Variants in EBF2 observed in about 807,000 individuals in gnomAD.
EBF2 encodes transcription factor COE2.
Under a neutral mutation model 72.8 loss-of-function variants are expected in EBF2, and 21 were observed. That is an observed-to-expected ratio of 0.29 (90% confidence interval 0.20 to 0.42). The LOEUF (loss-of-function observed/expected upper bound fraction) is 0.42, where lower values mean the gene tolerates loss of function less well. EBF2 is among the 10% of genes least tolerant of loss of function. EBF2 has a pLI of 1.00. For missense variants in EBF2, 637 were observed against 731.2 expected, an observed-to-expected ratio of 0.87 and a Z score of 1.49; for synonymous variants, 299 against 274.2, an observed-to-expected ratio of 1.09 and a Z score of -0.89.
intron 6 of EBF2, among the ~76,000 whole-genome samples, chr8:26,024,865 A>C (rs1805274700): frequency 6.6e-6 from 1 of 152,212 alleles, no homozygotes; most frequent in Non-Finnish European, 1.5e-5. Context: ...TCACACAGCT[A>C]ATAAATATTG....
intron 6 of EBF2, among the ~76,000 whole-genome samples, chr8:25,972,175 T>C (rs6991575): frequency 0.19 from 29,192 of 152,002 alleles, 3,022 homozygotes; most frequent in Middle Eastern, 0.25. Flanking sequence ...GAGCGGGGCT[T>C]TCCAGGCCTC....
intron 1 of EBF2, among the ~76,000 whole-genome samples, chr8:26,042,740 G>A (rs1308617855): frequency 6.6e-6 from 1 of 152,144 alleles, no homozygotes; most frequent in Non-Finnish European, 1.5e-5. Context: ...GTATTAATTC[G>A]AGTTATCAGT....
At chr8:26,012,509 G>A (rs1318780259) in intron 6 of EBF2, among the ~76,000 whole-genome samples, 2 of 151,876 alleles carry the variant, frequency 1.3e-5, no homozygotes, top group East Asian at 3.9e-4. Flanking sequence ...TCTTAGAGTG[G>A]GTATCTCCTA....
At chr8:25,847,028 G>C (rs566729567) in intron 15 of EBF2, among the ~76,000 whole-genome samples, 77 of 152,290 alleles carry the variant, frequency 5.1e-4, no homozygotes, top group Admixed American at 4.2e-3. Flanking sequence ...GGCTGCCAGA[G>C]CACAAGCTCT....
rs535228816 is a variant in EBF2 at position 25,982,161 on chromosome 8, T to C, written c.551+50924A>G. The stretch of plus-strand genomic sequence containing the variant: ...CTGCTCTCAGACACCTGGGCTTCAG[T>C]TCCCATTTATGCTTCAAAAACAGTT... On this transcript the variant is annotated intron_variant, in intron 6 of 15. Coordinates refer to ENST00000520164, the MANE Select transcript of EBF2 (RefSeq NM_022659.4). 1.8e-4 allele frequency among the ~76,000 whole-genome samples: 28 copies of C among 152,336 alleles called. No homozygotes were observed. In the South Asian group the frequency reaches 5.8e-3, roughly 32 times the overall value.
intron 7 of EBF2, among the ~76,000 whole-genome samples, chr8:25,905,762 AAC>A (rs765344270): frequency 3.7e-4 from 57 of 152,230 alleles, no homozygotes; most frequent in Non-Finnish European, 7.5e-4. Flanking sequence ...CTGGTTGTAC[AAC>A]ACTTTGAATG....
At chr8:25,918,541 C>T (rs1803261530) in intron 6 of EBF2, among the ~76,000 whole-genome samples, 1 of 152,122 alleles carries the variant, frequency 6.6e-6, no homozygotes, top group African/African-American at 2.4e-5. Flanking sequence ...TAGACTAATC[C>T]TGCATAATTA....
At chr8:25,985,358 A>G (rs2117203404) in intron 6 of EBF2, among the ~76,000 whole-genome samples, 1 of 152,244 alleles carries the variant, frequency 6.6e-6, no homozygotes, top group East Asian at 1.9e-4. Context: ...CCATCAGTAA[A>G]CCCAGGTGGG....
At chr8:25,889,999 C>T in intron 7 of EBF2, 130 bp from the exon 8 acceptor site, 1 of 740,558 alleles carries the variant, frequency 1.4e-6, no homozygotes, top group Non-Finnish European at 2.4e-6. Flanking sequence ...GAACTTGGGA[C>T]TCAACAGAGT....
At chr8:25,875,405 C>T (rs1047971926) in intron 10 of EBF2, among the ~76,000 whole-genome samples, 6 of 152,110 alleles carry the variant, frequency 3.9e-5, no homozygotes, top group African/African-American at 1.4e-4. Flanking sequence ...AATGCAAATC[C>T]CTGCCTCTTC....
At chr8:25,858,073 C>A (rs1380558875) in intron 14 of EBF2, 2 of 640,022 alleles carry the variant, frequency 3.1e-6, no homozygotes, top group Non-Finnish European at 5.8e-6. Context: ...GCCACACATG[C>A]TCTTTCTCTA....
intron 6 of EBF2, among the ~76,000 whole-genome samples, chr8:26,014,167 T>C (rs376581208): frequency 2.6e-5 from 4 of 152,130 alleles, no homozygotes; most frequent in East Asian, 3.8e-4. Flanking sequence ...CATTATAATA[T>C]ATAATATTAA....
At chr8:25,866,103 A>G (rs906671869) in intron 10 of EBF2, among the ~76,000 whole-genome samples, 1 of 150,346 alleles carries the variant, frequency 6.7e-6, no homozygotes, top group African/African-American at 2.4e-5. Context: ...TTTTTTTTCT[A>G]TTACTTAGGC....
intron 6 of EBF2, among the ~76,000 whole-genome samples, chr8:26,000,551 A>G (rs1446390348): frequency 6.6e-6 from 1 of 152,190 alleles, no homozygotes; most frequent in Non-Finnish European, 1.5e-5. Flanking sequence ...TCAACTGGCT[A>G]TATCTTGGTT....
chr8:25,930,198 A>C (rs1314121636), intron 6 of EBF2, among the ~76,000 whole-genome samples: 1 of 151,978 alleles, frequency 6.6e-6, no homozygotes, highest in Non-Finnish European at 1.5e-5. Flanking sequence ...TGACCATACT[A>C]CTCATTTGGG....
chr8:25,847,390 C>T (rs190953870), intron 15 of EBF2, among the ~76,000 whole-genome samples: 1 of 152,200 alleles, frequency 6.6e-6, no homozygotes, highest in African/African-American at 2.4e-5. Context: ...TGTTCAGTGA[C>T]TGTGCATTAA....
At chr8:25,891,577 C>T (rs950100894) in intron 7 of EBF2, among the ~76,000 whole-genome samples, 5 of 148,202 alleles carry the variant, frequency 3.4e-5, no homozygotes, top group South Asian at 2.1e-4. Context: ...TTGATCCTGT[C>T]GTATTTTTTT....
chr8:25,852,894 T>TCC (rs1802011761), intron 14 of EBF2, among the ~76,000 whole-genome samples: 2 of 152,220 alleles, frequency 1.3e-5, no homozygotes, highest in African/African-American at 4.8e-5. Flanking sequence ...AAAACTTTTT[T>TCC]TAAGTAGTAA....
At position 25,951,715 on chromosome 8, in the gene EBF2, G is replaced by A. The variant is rs548048391; in HGVS notation, c.552-43160C>T. ...ATTCTACCAAGGAAAGAATGAGGTT[G>A]AAGATGTCTTTTGGCTCCATATGTT... On this transcript the variant is annotated intron_variant, in intron 6 of 15. Transcript: ENST00000520164. Among the ~76,000 whole-genome samples the A allele has an allele frequency of 1.4e-4, 21 of 152,248 alleles. No homozygotes were observed. The South Asian group carries it at 1.7e-3, about 12-fold the overall frequency.
Sources: allele counts gnomAD v4.1 joint callset (sites outside exome capture counted in the v4.1 genomes callset), GRCh38; gene constraint gnomAD v4.1.1; transcripts MANE v1.5; gene names NCBI Gene and HGNC (gene_info 2026-07-23, HGNC 2026-07-21).